The following PKHD1L1 variants were observed in gnomAD, a reference collection of about 807,000 sequenced individuals.
PKHD1L1 encodes the protein fibrocystin-L.
PKHD1L1 carries 434 observed loss-of-function variants against 462.9 expected under a neutral mutation model. The observed-to-expected ratio is 0.94, with a 90% confidence interval of 0.87 to 1.02. The LOEUF is 1.02. PKHD1L1 is among the 50% of genes least tolerant of loss of function. The pLI, the probability that PKHD1L1 is intolerant of heterozygous loss-of-function variation, is 0.00. For missense variants in PKHD1L1, 5,202 were observed against 5,096.1 expected (o/e 1.02, Z -0.63); for synonymous variants, 1,781 against 1,750.0 (o/e 1.02, Z -0.44).
chr8:109,468,624 T>C (rs1358631098), intron 50 of PKHD1L1, among the ~76,000 whole-genome samples: 1 of 152,220 alleles, frequency 6.6e-6, no homozygotes, highest in Non-Finnish European at 1.5e-5. Context: ...AACCATAATA[T>C]GTCCCCATGA....
chr8:109,532,848 T>C lies in PKHD1L1; in HGVS notation c.*2758T>C, dbSNP rs10505133. 0.76 allele frequency among the ~76,000 whole-genome samples: 115,993 copies of C among 152,076 alleles called. 44,927 individuals carry two copies. Among genetic ancestry groups the C allele is most frequent in the Middle Eastern group, 0.93 (269 of 290 alleles). ...ATCCCCAAAAGTGCTATTTAAAATA[T>C]CCCTAGCACTAATAATAACAATAAT... is the stretch of plus-strand genomic sequence containing the variant. On this transcript the variant is annotated 3_prime_UTR_variant, in exon 78 of 78. Coordinates refer to ENST00000378402, the MANE Select transcript of PKHD1L1 (RefSeq NM_177531.6).
chr8:109,383,221 T>G (rs1379451043), intron 4 of PKHD1L1, among the ~76,000 whole-genome samples: 2 of 94,844 alleles, frequency 2.1e-5, no homozygotes, highest in African/African-American at 4.0e-5. Context: ...AATATAATTA[T>G]ATATTATATA....
chr8:109,382,707 C>T (rs1812190041), intron 4 of PKHD1L1, 136 bp downstream of exon 4: 1 of 532,634 alleles, frequency 1.9e-6, no homozygotes. Context: ...AGGATAATTT[C>T]CCTCAATTTA....
At chr8:109,417,634 C>T (rs1392294189) in intron 21 of PKHD1L1, among the ~76,000 whole-genome samples, 2 of 152,104 alleles carry the variant, frequency 1.3e-5, no homozygotes. Flanking sequence ...ACCTCCACCT[C>T]CCAGGTTCAA....
At chr8:109,433,692 A>G (rs1175712296) in intron 28 of PKHD1L1, among the ~76,000 whole-genome samples, 1 of 152,254 alleles carries the variant, frequency 6.6e-6, no homozygotes. Flanking sequence ...ATCTTGAAAT[A>G]GTGAAGGCCA....
rs1172723657 is a variant in PKHD1L1, at chr8:109,527,048, T to C, written c.12721+28T>C. ...AAGTACAGTCCATTAATACATTATT[T>C]CTCCACATGTTGAAGTACCAGTGTT... On this transcript the variant is annotated intron_variant, in intron 77 of 77. Coordinates refer to ENST00000378402, the MANE Select transcript of PKHD1L1 (RefSeq NM_177531.6). 3 of 1,540,880 alleles carry C rather than the reference T, an allele frequency of 1.9e-6. No individual in the cohort carries two copies. The Admixed American group carries it at 5.4e-5, about 28-fold the overall frequency.
At chr8:109,369,894 T>C (rs1433392231) in intron 2 of PKHD1L1, among the ~76,000 whole-genome samples, 2 of 152,158 alleles carry the variant, frequency 1.3e-5, no homozygotes, top group African/African-American at 4.8e-5. Context: ...ACATGTGAAA[T>C]TGGTATTTAT....
chr8:109,380,456 T>C (rs1812054322), intron 2 of PKHD1L1, among the ~76,000 whole-genome samples: 1 of 152,224 alleles, frequency 6.6e-6, no homozygotes, highest in South Asian at 2.1e-4. Context: ...TTCCAGCTTC[T>C]TGACTGAGTT....
rs1813800320 is a variant in PKHD1L1, at chr8:109,410,726, C to CTTTTTTTTTTTTTTTTTTG, written c.2085+766_2085+767insGTTTTTTTTTTTTTTTTTT. Among the ~76,000 whole-genome samples the CTTTTTTTTTTTTTTTTTTG allele has an allele frequency of 8.8e-5, 6 of 68,388 alleles. 1 individual carries two copies. In the East Asian group the frequency reaches 1.6e-3, roughly 18 times the overall value. The allele number at this position is 68,388 out of a possible 152,430, so 44.9% of individuals were successfully genotyped here. On this transcript the variant is annotated intron_variant, in intron 19 of 77. Coordinates refer to ENST00000378402, the MANE Select transcript of PKHD1L1 (RefSeq NM_177531.6). Reference sequence around the variant, plus strand: ...TTCTTTTTTCTTTTCTTTTCTTTTTCTTTTTTTTTTTTTTTTTTTTTGAGA... The same window carrying CTTTTTTTTTTTTTTTTTTG: ...TTCTTTTTTCTTTTCTTTTCTTTTTCTTTTTTTTTTTTTTTTTTGTTTTTTTTTTTTTTTTTTTTTGAGA...
At chr8:109,499,152 A>G (rs1324124958) in intron 67 of PKHD1L1, 2 of 176,576 alleles carry the variant, frequency 1.1e-5, no homozygotes, top group East Asian at 1.5e-4. Flanking sequence ...TCCCACAGCT[A>G]TTGGCACAGC....
rs1204163802 is a variant in PKHD1L1, at chr8:109,419,100, G to C, written c.2364G>C (p.Trp788Cys). Residue 788 changes from tryptophan (W) to cysteine (C), a missense_variant, in exon 22 of 78, where the codon TGG becomes TGC. Transcript: ENST00000378402. ...AAATTAATCAACCGTATTTCAGCTG[G>C]ACTTACACTTGCATAGACCTTCTGG... ...FTYNFAYGNNWTYTCIDLLDL... is the reference protein window; with the variant it reads ...FTYNFAYGNNCTYTCIDLLDL... 1.2e-6 allele frequency: 2 copies of C among 1,611,096 alleles called. No homozygotes were observed. The highest frequency in any genetic ancestry group is 1.7e-6 in the Non-Finnish European group (2 of 1,178,074).
intron 57 of PKHD1L1, among the ~76,000 whole-genome samples, chr8:109,484,673 C>T (rs1818436860): frequency 1.3e-5 from 2 of 151,844 alleles, no homozygotes; most frequent in African/African-American, 2.4e-5. Context: ...GTTAATTGTA[C>T]TAAACAAACA....
chr8:109,481,691 G>C (rs1170722266), intron 56 of PKHD1L1, 129 bp downstream of exon 56: 1 of 893,244 alleles, frequency 1.1e-6, no homozygotes, highest in Admixed American at 4.3e-5. Flanking sequence ...TGATACAAAA[G>C]TATCAGAAGT....
chr8:109,465,507 T>G (rs904857951), intron 49 of PKHD1L1, among the ~76,000 whole-genome samples: 23 of 152,172 alleles, frequency 1.5e-4, no homozygotes, highest in African/African-American at 5.1e-4. Flanking sequence ...ACAGAAAATT[T>G]TGGGCAATAT....
rs571384509 is a variant in PKHD1L1 at position 109,371,140 on chromosome 8, T to C, written c.163+6504T>C. On this transcript the variant is annotated intron_variant, in intron 2 of 77. Transcript: ENST00000378402. ...CACCAACAGTGTAAAAGTGTTCCTA[T>C]TTCTCCACATCCTCTCCAGCACCTG... 2.0e-3 allele frequency among the ~76,000 whole-genome samples: 305 copies of C among 152,314 alleles called. 2 individuals are homozygous for C. The highest frequency in any genetic ancestry group is 6.7e-3 in the African/African-American group (277 of 41,570).
At chr8:109,506,494 G>A (rs73700609) in intron 68 of PKHD1L1, among the ~76,000 whole-genome samples, 2,254 of 152,214 alleles carry the variant, frequency 0.015, 28 homozygotes, top group Middle Eastern at 0.051. Context: ...CCCCTTTTGA[G>A]AGGATTCTTT....
chr8:109,522,703 T>G lies in PKHD1L1; in HGVS notation c.12184-41T>G, dbSNP rs760378382. 6 of 1,552,534 alleles carry G rather than the reference T, an allele frequency of 3.9e-6. No homozygotes were observed. In the Admixed American group the frequency reaches 1.2e-4, roughly 32 times the overall value. ...AAAATGAGTTTGCTGCTGAGTGTAG[T>G]TTATCATGAAGAAACCAGTTCATCC... is the stretch of plus-strand genomic sequence containing the variant. On this transcript the variant is annotated intron_variant, in intron 74 of 77. Coordinates refer to ENST00000378402, the MANE Select transcript of PKHD1L1 (RefSeq NM_177531.6).
intron 39 of PKHD1L1, 111 bp from the exon 40 acceptor site, chr8:109,449,227 T>C (rs1468021826): frequency 2.0e-5 from 22 of 1,083,680 alleles, no homozygotes; most frequent in Non-Finnish European, 2.3e-5. Flanking sequence ...TAAAAAACTC[T>C]TCATTTAATG....
chr8:109,372,775 G>C (rs1002722370), intron 2 of PKHD1L1, among the ~76,000 whole-genome samples: 7 of 152,226 alleles, frequency 4.6e-5, no homozygotes, highest in African/African-American at 1.7e-4. Context: ...TGTGGTTTTT[G>C]TCTTTGGTTC....
Sources: gnomAD v4.1 joint callset for allele counts (sites outside exome capture counted in the v4.1 genomes callset) on GRCh38, gnomAD v4.1.1 for gene constraint, MANE v1.5 for transcripts, NCBI Gene and HGNC (gene_info 2026-07-23, HGNC 2026-07-21) for gene names.